Variants in MBP observed in about 807,000 individuals in gnomAD.
MBP encodes myelin basic protein, also known as Golli-MBP.
A neutral mutation model predicts 35.8 loss-of-function variants in MBP; 16 were observed. The observed-to-expected ratio is 0.45, with a 90% CI of 0.30 to 0.68. The LOEUF (loss-of-function observed/expected upper bound fraction) is 0.68. MBP is among the 30% of genes least tolerant of loss of function. The probability of loss-of-function intolerance (pLI) is 0.08; values close to 1 mark genes in which losing one functional copy is unlikely to be tolerated. For synonymous variants in MBP, 143 were observed against 159.6 expected (o/e 0.90, Z 0.78); for missense variants, 380 against 404.7 (o/e 0.94, Z 0.52).
intron 2 of MBP, among the ~76,000 whole-genome samples, chr18:77,081,762 ATAT>A (rs1310135437): frequency 8.1e-6 from 1 of 123,048 alleles, no homozygotes; most frequent in African/African-American, 3.1e-5. Context: ...ATATATATAT[ATAT>A]ATACACACAC....
At chr18:77,061,992 C>T (rs955290924) in intron 3 of MBP, among the ~76,000 whole-genome samples, 4 of 152,174 alleles carry the variant, frequency 2.6e-5, no homozygotes, top group Middle Eastern at 3.2e-3. Flanking sequence ...AACACAGACG[C>T]GGGCTGGTGA....
chr18:77,028,355 T>C (rs1170194987), intron 3 of MBP, among the ~76,000 whole-genome samples: 4 of 132,624 alleles, frequency 3.0e-5, no homozygotes, highest in African/African-American at 7.9e-5. Flanking sequence ...TTTTTCTTAG[T>C]ACAGAACAAA....
At chr18:77,022,062 C>G (rs17660901) in intron 3 of MBP, among the ~76,000 whole-genome samples, 40,567 of 152,008 alleles carry the variant, frequency 0.27, 6,699 homozygotes, top group Non-Finnish European at 0.36. Flanking sequence ...AACTCTCGCT[C>G]ATTGGAAAAA....
At chr18:77,018,981 C>CATCT (rs1971854482) in intron 3 of MBP, among the ~76,000 whole-genome samples, 1 of 148,842 alleles carries the variant, frequency 6.7e-6, no homozygotes, top group African/African-American at 2.5e-5. Context: ...TCCATCCATC[C>CATCT]ATCCATCCAT....
chr18:77,102,493 GAAAGAAAAA>G lies in MBP; in HGVS notation c.51+2709_51+2717del, dbSNP rs1195645683. The stretch of plus-strand genomic sequence containing the variant: ...AAAATATTTCCCATCAAGTTTAAAG[GAAAGAAAAA>G]AAAGCTCTTACTTCTTAAAACTACC... On this transcript the variant is annotated intron_variant, in intron 2 of 8. Coordinates refer to ENST00000355994, the MANE Select transcript of MBP (RefSeq NM_001025101.2). The surrounding 1 kb of genome is among the most constrained non-coding windows in gnomAD (Gnocchi z 4.4). 2.0e-5 allele frequency among the ~76,000 whole-genome samples: 3 copies of G among 151,548 alleles called. No individual in the cohort carries two copies. Among genetic ancestry groups the G allele is most frequent in the African/African-American group, 7.3e-5 (3 of 41,296 alleles).
intron 3 of MBP, among the ~76,000 whole-genome samples, chr18:77,041,796 G>T (rs912354300): frequency 9.2e-6 from 1 of 109,096 alleles, no homozygotes; most frequent in Non-Finnish European, 1.8e-5. Context: ...GGGGAGGGGG[G>T]AGGGATAGCA....
At chr18:77,043,435 C>T (rs971344841) in intron 3 of MBP, among the ~76,000 whole-genome samples, 2 of 150,456 alleles carry the variant, frequency 1.3e-5, no homozygotes, top group African/African-American at 5.0e-5. Context: ...GCAGAGATTC[C>T]TGTAAGTCTT....
intron 1 of MBP, among the ~76,000 whole-genome samples, chr18:77,106,971 TG>T (rs1387316315): frequency 2.6e-5 from 4 of 152,182 alleles, no homozygotes; most frequent in African/African-American, 9.7e-5. Context: ...CCAAATTCAC[TG>T]TGTCCTTTTA....
intron 2 of MBP, among the ~76,000 whole-genome samples, chr18:77,077,915 T>C (rs540138194): frequency 6.6e-6 from 1 of 152,346 alleles, no homozygotes; most frequent in East Asian, 1.9e-4. Context: ...ATTTCTAGAC[T>C]GAGGTCAAGA....
intron 3 of MBP, among the ~76,000 whole-genome samples, chr18:77,028,912 A>G (rs1369077648): frequency 1.9e-4 from 18 of 93,830 alleles, no homozygotes; most frequent in South Asian, 3.6e-4. Flanking sequence ...CCGGGCAGAG[A>G]CTCTCCTCAC....
chr18:77,060,448 CT>C (rs74182682), intron 3 of MBP, among the ~76,000 whole-genome samples: 463 of 97,576 alleles, frequency 4.7e-3, no homozygotes, highest in Middle Eastern at 0.016. Context: ...TCTCTCTCTC[CT>C]TTTTTTTTTT....
intron 3 of MBP, chr18:77,017,593 C>G (rs1048035445): frequency 4.2e-6 from 1 of 240,872 alleles, no homozygotes; most frequent in Non-Finnish European, 7.9e-6. Flanking sequence ...CATGGCTGCT[C>G]CCGGAGAGCC....
At chr18:77,124,488 T>C (rs1038486627) in intron 1 of MBP, among the ~76,000 whole-genome samples, 7 of 147,200 alleles carry the variant, frequency 4.8e-5, no homozygotes, top group African/African-American at 1.7e-4. Flanking sequence ...GTAGCTGCTG[T>C]GGTCGCTGCC....
At chr18:77,080,721 T>A (rs1974859351) in intron 2 of MBP, among the ~76,000 whole-genome samples, 1 of 152,234 alleles carries the variant, frequency 6.6e-6, no homozygotes. Context: ...TCTCACTCTC[T>A]CACCCAGGCT....
chr18:77,003,027 C>T (rs1375622629), intron 4 of MBP: 1 of 152,204 alleles, frequency 6.6e-6, no homozygotes, highest in African/African-American at 2.4e-5. Context: ...TCAATTGCTG[C>T]TGTTTACCAA....
intron 4 of MBP, chr18:77,015,629 G>C: frequency 2.0e-6 from 2 of 985,276 alleles, no homozygotes; most frequent in Non-Finnish European, 2.4e-6. Context: ...AACTCAGACA[G>C]ATGGTAGAGA....
intron 8 of MBP, chr18:76,984,211 G>T (rs1040049926): frequency 6.5e-6 from 1 of 154,130 alleles, no homozygotes; most frequent in African/African-American, 2.4e-5. Flanking sequence ...TACTTTCACA[G>T]CGATTTTGTG....
chr18:77,098,116 T>C (rs955756856), intron 2 of MBP, among the ~76,000 whole-genome samples: 1 of 150,570 alleles, frequency 6.6e-6, no homozygotes, highest in African/African-American at 2.4e-5. Flanking sequence ...TGTAATTTTG[T>C]TGGTCTCCTG....
Position 76,984,762 on chromosome 18 carries a change from G to C in MBP, c.870+13C>G. 6.2e-7 allele frequency: 1 copy of C among 1,613,884 alleles called. No individual in the cohort carries two copies. The highest frequency in any genetic ancestry group is 8.5e-7 in the Non-Finnish European group (1 of 1,180,006). On this transcript the variant is annotated intron_variant, in intron 8 of 8. Coordinates refer to ENST00000355994, the MANE Select transcript of MBP (RefSeq NM_001025101.2). ...AGTCCCCGCTCAGTGGAGCTGAGCA[G>C]AGGGTACCTTACCAGCTTAAAAATT... is the stretch of plus-strand genomic sequence containing the variant.
Sources: gnomAD v4.1 joint callset for allele counts (sites outside exome capture counted in the v4.1 genomes callset) on GRCh38, gnomAD v4.1.1 for gene constraint, Gnocchi (gnomAD v3.1) non-coding constraint, MANE v1.5 for transcripts, NCBI Gene and HGNC (gene_info 2026-07-23, HGNC 2026-07-21) for gene names.